ANGPT1: variants seen among roughly 807,000 people sequenced by gnomAD.
ANGPT1 encodes angiopoietin-1.
ANGPT1 carries 17 observed loss-of-function variants against 62.2 expected under a neutral mutation model. The observed-to-expected ratio is 0.27, with a 90% CI of 0.19 to 0.41. The LOEUF is 0.41. Ranked by LOEUF, ANGPT1 falls within the 10% of genes least tolerant of loss-of-function variation. ANGPT1 has a pLI of 1.00. For missense variants in ANGPT1, 478 were observed against 594.9 expected (o/e 0.80, Z 2.04); for synonymous variants, 199 against 198.9 (o/e 1.00, Z 0.00).
rs142849004 is a variant in ANGPT1, at chr8:107,474,745, A to G, written c.297+22517T>C. On this transcript the variant is annotated intron_variant, in intron 1 of 8. Transcript: ENST00000517746. ...AGCAACTTCAGCAAAGTCTGAGGAT[A>G]CAAAATCAATGTACAAAAATCACAA... Among the ~76,000 whole-genome samples, 23 of 152,342 alleles carry G rather than the reference A, an allele frequency of 1.5e-4. 1 individual carries two copies. In the East Asian group the frequency reaches 3.3e-3, roughly 22 times the overall value.
At chr8:107,410,067 C>T (rs577128937) in intron 1 of ANGPT1, among the ~76,000 whole-genome samples, 1 of 152,188 alleles carries the variant, frequency 6.6e-6, no homozygotes, top group South Asian at 2.1e-4. Flanking sequence ...ATAATCAGGG[C>T]CAAGTGGGCC....
intron 4 of ANGPT1, among the ~76,000 whole-genome samples, chr8:107,304,666 T>C (rs1251021588): frequency 2.0e-5 from 3 of 151,894 alleles, no homozygotes; most frequent in Non-Finnish European, 2.9e-5. Context: ...ATAATTACTA[T>C]TTCAATATAA....
intron 1 of ANGPT1, among the ~76,000 whole-genome samples, chr8:107,351,472 TTC>T (rs1815929429): frequency 6.6e-6 from 1 of 152,036 alleles, no homozygotes. Context: ...GCGGGAAGTG[TTC>T]TGTTATTGGA....
At chr8:107,406,531 C>A (rs1469116312) in intron 1 of ANGPT1, among the ~76,000 whole-genome samples, 1 of 151,854 alleles carries the variant, frequency 6.6e-6, no homozygotes, top group Non-Finnish European at 1.5e-5. Context: ...TTTTGAGGAT[C>A]CCAGAATCAA....
chr8:107,446,544 G>A (rs1811626137), intron 1 of ANGPT1, among the ~76,000 whole-genome samples: 1 of 152,110 alleles, frequency 6.6e-6, no homozygotes, highest in South Asian at 2.1e-4. Flanking sequence ...AGATAAAGAG[G>A]ATTTTACTAG....
chr8:107,327,785 T>C (rs1815324400), intron 3 of ANGPT1, among the ~76,000 whole-genome samples: 1 of 152,092 alleles, frequency 6.6e-6, no homozygotes, highest in African/African-American at 2.4e-5. Context: ...TAGCTTCTAT[T>C]TGAGGCAGAG....
chr8:107,370,364 G>GAAAA lies in ANGPT1; in HGVS notation c.298-23268_298-23267insTTTT, dbSNP rs1479952530. ...AAAAAGAAAGAAAGAAAGAAAGAAA[G>GAAAA]AAAGAAAGAAAGAAAGAAAGAAAGA... On this transcript the variant is annotated intron_variant, in intron 1 of 8. Transcript: ENST00000517746. 1.8e-3 allele frequency among the ~76,000 whole-genome samples: 59 copies of GAAAA among 32,476 alleles called. 5 individuals are homozygous for GAAAA. The highest frequency in any genetic ancestry group is 0.017 in the East Asian group (2 of 118). 21.3% of individuals were successfully genotyped at this position (32,476 alleles called of 152,430 possible).
chr8:107,424,639 C>T (rs1810988534), intron 1 of ANGPT1, among the ~76,000 whole-genome samples: 1 of 152,162 alleles, frequency 6.6e-6, no homozygotes, highest in South Asian at 2.1e-4. Flanking sequence ...ATGCAAACCA[C>T]AACTGGAAAA....
chr8:107,454,106 C>G (rs1199985898), intron 1 of ANGPT1, among the ~76,000 whole-genome samples: 1 of 152,022 alleles, frequency 6.6e-6, no homozygotes, highest in Non-Finnish European at 1.5e-5. Context: ...AAAGTCCTAC[C>G]TATTTTCATG....
At chr8:107,442,339 A>G (rs921649455) in intron 1 of ANGPT1, among the ~76,000 whole-genome samples, 1 of 152,204 alleles carries the variant, frequency 6.6e-6, no homozygotes, top group Admixed American at 6.5e-5. Flanking sequence ...CAACAAATAC[A>G]AACTAGTGTA....
rs1813504710 is a variant in ANGPT1, at chr8:107,262,052, AG to A, written c.1336+2168del. On this transcript the variant is annotated intron_variant, in intron 8 of 8. Transcript: ENST00000517746. ...TCTACTAAAAATACAAAAATTAGCC[AG>A]GCATGGTGGCACGCACCTGTAGTCC... 2.0e-5 allele frequency among the ~76,000 whole-genome samples: 3 copies of A among 152,068 alleles called. No individual in the cohort carries two copies. In the East Asian group the frequency reaches 5.8e-4, roughly 29 times the overall value.
chr8:107,465,139 A>G (rs1812169142), intron 1 of ANGPT1, among the ~76,000 whole-genome samples: 1 of 152,142 alleles, frequency 6.6e-6, no homozygotes, highest in African/African-American at 2.4e-5. Flanking sequence ...GGGGTTAACT[A>G]TGTATAAATA....
At chr8:107,333,920 GAGA>G (rs1815483763) in intron 3 of ANGPT1, among the ~76,000 whole-genome samples, 1 of 138,052 alleles carries the variant, frequency 7.2e-6, no homozygotes, top group Admixed American at 7.5e-5. Flanking sequence ...AAGAAATAAA[GAGA>G]AAGAAAGAAA....
At chr8:107,452,241 T>C (rs1353758343) in intron 1 of ANGPT1, among the ~76,000 whole-genome samples, 1 of 151,488 alleles carries the variant, frequency 6.6e-6, no homozygotes, top group Non-Finnish European at 1.5e-5. Context: ...CTCTAAATAA[T>C]AAAATGAAAT....
intron 1 of ANGPT1, among the ~76,000 whole-genome samples, chr8:107,452,067 A>C (rs1042938721): frequency 2.6e-5 from 4 of 151,704 alleles, no homozygotes; most frequent in Non-Finnish European, 5.9e-5. Context: ...TCTTAGCCAC[A>C]AGTTCCGTAT....
At chr8:107,378,887 T>C (rs906532438) in intron 1 of ANGPT1, among the ~76,000 whole-genome samples, 2 of 151,628 alleles carry the variant, frequency 1.3e-5, no homozygotes, top group African/African-American at 4.8e-5. Context: ...AGGTAGTATC[T>C]TTGTAACAGT....
At chr8:107,299,000 C>T (rs1814488166) in intron 5 of ANGPT1, among the ~76,000 whole-genome samples, 2 of 151,524 alleles carry the variant, frequency 1.3e-5, no homozygotes, top group African/African-American at 4.8e-5. Context: ...TGAGAGAATG[C>T]TGACAATTTA....
intron 7 of ANGPT1, among the ~76,000 whole-genome samples, chr8:107,272,181 G>T (rs1813751429): frequency 6.6e-6 from 1 of 152,008 alleles, no homozygotes; most frequent in South Asian, 2.1e-4. Flanking sequence ...TGTAATGGAA[G>T]ATGTACACAA....
At chr8:107,443,261 A>T (rs1252670960) in intron 1 of ANGPT1, among the ~76,000 whole-genome samples, 1 of 152,176 alleles carries the variant, frequency 6.6e-6, no homozygotes, top group Non-Finnish European at 1.5e-5. Context: ...TCTCCAGTGA[A>T]TACCTTTGGT....
Sources: gnomAD v4.1 joint callset for allele counts (sites outside exome capture counted in the v4.1 genomes callset) on GRCh38, gnomAD v4.1.1 for gene constraint, MANE v1.5 for transcripts, NCBI Gene and HGNC (gene_info 2026-07-23, HGNC 2026-07-21) for gene names.